Variants in GLRA2 observed in about 807,000 individuals in gnomAD.
GLRA2 encodes the protein glycine receptor alpha 2.
In GLRA2, 11 loss-of-function variants were observed where a neutral mutation model predicts 31.6. That is an observed-to-expected ratio of 0.35 (90% CI 0.22 to 0.58). The LOEUF (loss-of-function observed/expected upper bound fraction) is 0.58, where lower values mean the gene tolerates loss of function less well. Among genes scored for constraint, GLRA2 ranks in the 20% least tolerant of loss-of-function variants. The pLI is 0.84. For synonymous variants in GLRA2, 132 were observed against 134.0 expected, an observed-to-expected ratio of 0.99 and a Z score of 0.10; for missense variants, 212 against 351.8, an observed-to-expected ratio of 0.60 and a Z score of 3.18.
chrX:14,595,465 T>TA (rs1191738568), intron 4 of GLRA2, among the ~76,000 whole-genome samples: 2 of 112,073 alleles, frequency 1.8e-5, no homozygotes, highest in Admixed American at 9.5e-5. Flanking sequence ...GGACTCTCTC[T>TA]ATGCATTACA....
At chrX:14,672,127 C>T (rs1243004856) in intron 7 of GLRA2, among the ~76,000 whole-genome samples, 1 of 112,241 alleles carries the variant, frequency 8.9e-6, no homozygotes, top group Non-Finnish European at 1.9e-5. Flanking sequence ...ATAATGTGCC[C>T]AAATTTGCAA....
At chrX:14,605,875 G>A (rs1419740108) in intron 5 of GLRA2, among the ~76,000 whole-genome samples, 1 of 111,144 alleles carries the variant, frequency 9.0e-6, no homozygotes, top group Non-Finnish European at 1.9e-5. Flanking sequence ...CAAGAACGTG[G>A]GGTATTTTGT....
chrX:14,485,206 AGG>A, the GLRA2 span, among the ~76,000 whole-genome samples: 3 of 112,096 alleles, frequency 2.7e-5, no homozygotes, highest in African/African-American at 9.7e-5. Context: ...CTTGAGTGTG[AGG>A]TTATCTCTAG....
the GLRA2 span, among the ~76,000 whole-genome samples, chrX:14,453,962 C>G: frequency 9.0e-5 from 10 of 111,655 alleles, no homozygotes; most frequent in African/African-American, 2.9e-4. Flanking sequence ...TTACAAAATT[C>G]TCTTTGTATA....
the GLRA2 span, among the ~76,000 whole-genome samples, chrX:14,450,417 G>A: frequency 1.6e-4 from 18 of 111,816 alleles, no homozygotes; most frequent in African/African-American, 5.8e-4. Context: ...GGAAATGCAG[G>A]TGTGGCGCCA....
intron 2 of GLRA2, among the ~76,000 whole-genome samples, chrX:14,559,915 A>G (rs2089703818): frequency 9.0e-6 from 1 of 111,531 alleles, no homozygotes; most frequent in Admixed American, 9.5e-5. Flanking sequence ...AGGGAGTGCC[A>G]TGAAGAAAAG....
chrX:14,691,314 TGTGTGTGTGTGC>T (rs1241491415), intron 8 of GLRA2, among the ~76,000 whole-genome samples: 70 of 92,785 alleles, frequency 7.5e-4, no homozygotes, highest in African/African-American at 3.1e-3. Flanking sequence ...TGTGTGTGTG[TGTGTGTGTGTGC>T]GCGCGTGCGT....
chrX:14,595,746 G>A (rs1441507996), intron 4 of GLRA2, among the ~76,000 whole-genome samples: 1 of 111,611 alleles, frequency 9.0e-6, no homozygotes, highest in Non-Finnish European at 1.9e-5. Context: ...CCCCAAGGGA[G>A]TAATTAAAGG....
At position 14,603,102 on chromosome X, in the gene GLRA2, T is replaced by C. The variant is rs754590712; in HGVS notation, c.495-1213T>C. Among the ~76,000 whole-genome samples, 6 of 110,343 alleles carry C rather than the reference T, an allele frequency of 5.4e-5. No homozygotes were observed. The South Asian group carries it at 2.4e-3, about 43-fold the overall frequency. On this transcript the variant is annotated intron_variant, in intron 4 of 8. Coordinates refer to ENST00000218075, the MANE Select transcript of GLRA2 (RefSeq NM_002063.4). The stretch of plus-strand genomic sequence containing the variant: ...ATCTATTTTTTTTTTTTTTGACTTT[T>C]TTGATTACGGTCATTATTGCAGGAG...
At chrX:14,491,619 C>T in the GLRA2 span, among the ~76,000 whole-genome samples, 29 of 111,791 alleles carry the variant, frequency 2.6e-4, no homozygotes, top group South Asian at 4.5e-3. Flanking sequence ...GATATGATTT[C>T]GAAAATGTTG....
chrX:14,476,321 A>G, the GLRA2 span, among the ~76,000 whole-genome samples: 1,163 of 109,204 alleles, frequency 0.011, 24 homozygotes, highest in African/African-American at 0.036. Context: ...CTTTCTACTC[A>G]CTCAGACTTA....
chrX:14,701,608 A>G (rs1473675637), intron 8 of GLRA2, among the ~76,000 whole-genome samples: 1 of 111,855 alleles, frequency 8.9e-6, no homozygotes, highest in African/African-American at 3.3e-5. Flanking sequence ...TGTAAAGAAG[A>G]GATGAGAATG....
At chrX:14,494,583 T>C in the GLRA2 span, among the ~76,000 whole-genome samples, 1 of 111,486 alleles carries the variant, frequency 9.0e-6, no homozygotes, top group Non-Finnish European at 1.9e-5. Context: ...ATCCTAGCTA[T>C]ATTTCTGAGA....
At chrX:14,499,624 G>A in the GLRA2 span, among the ~76,000 whole-genome samples, 1 of 110,940 alleles carries the variant, frequency 9.0e-6, no homozygotes, top group Non-Finnish European at 1.9e-5. Flanking sequence ...CCAAATTATC[G>A]CATGTTCTCA....
the GLRA2 span, among the ~76,000 whole-genome samples, chrX:14,453,102 G>A: frequency 1.3e-4 from 14 of 111,593 alleles, no homozygotes; most frequent in Admixed American, 1.3e-3. Flanking sequence ...TAAGGGGATT[G>A]GTTGGAAAAG....
chrX:14,683,395 G>A lies in GLRA2; in HGVS notation c.931-7315G>A, dbSNP rs748852516. Among the ~76,000 whole-genome samples the A allele has an allele frequency of 5.4e-5, 6 of 111,366 alleles. No homozygotes were observed. The South Asian group carries it at 2.3e-3, about 42-fold the overall frequency. ...TGTCCTTTGCCCATTTGTTGATGGG[G>A]TTGTTTTTTTCTTGTAAATTTGTTT... On this transcript the variant is annotated intron_variant, in intron 7 of 8. Coordinates refer to ENST00000218075, the MANE Select transcript of GLRA2 (RefSeq NM_002063.4).
chrX:14,686,572 CCTT>C (rs2091280645), intron 7 of GLRA2, among the ~76,000 whole-genome samples: 3 of 111,168 alleles, frequency 2.7e-5, no homozygotes, highest in Non-Finnish European at 5.7e-5. Flanking sequence ...TATGTAATGG[CCTT>C]CTTTTTCTCT....
chrX:14,495,515 T>G, the GLRA2 span, among the ~76,000 whole-genome samples: 3 of 109,190 alleles, frequency 2.7e-5, no homozygotes, highest in Non-Finnish European at 3.8e-5. Flanking sequence ...ACTCTATCAA[T>G]TACGTTGATT....
chrX:14,651,549 A>ATGTT (rs1388514807), intron 7 of GLRA2, among the ~76,000 whole-genome samples: 1 of 111,539 alleles, frequency 9.0e-6, no homozygotes, highest in Non-Finnish European at 1.9e-5. Flanking sequence ...AGTTACCATT[A>ATGTT]TGTTACAGTT....
Sources: allele counts gnomAD v4.1 joint callset (sites outside exome capture counted in the v4.1 genomes callset), GRCh38; gene constraint gnomAD v4.1.1; transcripts MANE v1.5; gene names NCBI Gene and HGNC (gene_info 2026-07-23, HGNC 2026-07-21).